ELN: variants seen among roughly 807,000 people sequenced by gnomAD.
ELN encodes the protein tropoelastin.
ELN carries 65 observed loss-of-function variants against 105.8 expected under a neutral mutation model. The observed-to-expected ratio is 0.61, with a 90% CI of 0.50 to 0.75. The LOEUF is 0.75. Among genes scored for constraint, ELN ranks in the 30% least tolerant of loss-of-function variants. ELN has a pLI of 0.00. For missense variants in ELN, 882 were observed against 969.4 expected, an observed-to-expected ratio of 0.91 and a Z score of 1.20; for synonymous variants, 368 against 389.2, an observed-to-expected ratio of 0.95 and a Z score of 0.64.
intron 15 of ELN, among the ~76,000 whole-genome samples, chr7:74,051,291 G>C (rs1456077708): frequency 6.6e-6 from 1 of 152,214 alleles, no homozygotes; most frequent in Non-Finnish European, 1.5e-5. Context: ...CAGCACCCGA[G>C]GCTCCTTGGC....
At position 74,057,457 on chromosome 7, in the gene ELN, G is replaced by C; in HGVS notation, c.1358-183G>C. ...GCAGTCCCAGGTGTGCCGGGCACGG[G>C]AGGAGTGCCAGGTGAGCTGTGTCTC... On this transcript the variant is annotated intron_variant, in intron 21 of 32. Transcript: ENST00000252034. The C allele has an allele frequency of 6.5e-7, 1 of 1,548,348 alleles. No individual in the cohort carries two copies. Among genetic ancestry groups the C allele is most frequent in the Non-Finnish European group, 8.7e-7 (1 of 1,147,452 alleles).
Position 74,035,311 on chromosome 7 carries a change from C to T in ELN, c.83-53C>T, listed in dbSNP as rs183629619. 2,833 of 1,603,872 alleles carry T rather than the reference C, an allele frequency of 1.8e-3. 2 individuals are homozygous for T. Among genetic ancestry groups the T allele is most frequent in the Non-Finnish European group, 1.9e-3 (2,182 of 1,171,652 alleles). On this transcript the variant is annotated intron_variant, in intron 1 of 32. Coordinates refer to ENST00000252034, the MANE Select transcript of ELN (RefSeq NM_000501.4). ...GGCAAAAATCGCAGTTACTTTTGCA[C>T]CAGCCTAATAGTTCTGGCTCCTGGA...
chr7:74,042,800 G>A (rs2131444640), intron 6 of ELN, 94 bp downstream of exon 6: 9 of 1,550,420 alleles, frequency 5.8e-6, no homozygotes, highest in South Asian at 4.5e-5. Context: ...AGGCTTGGGA[G>A]CCGGGTGGGT....
In ELN at chr7:74,063,719, G is replaced by A; in HGVS notation, c.1993+24G>A. 1 of 1,614,090 alleles carries A rather than the reference G, an allele frequency of 6.2e-7. No homozygotes were observed. Among genetic ancestry groups the A allele is most frequent in the South Asian group, 1.1e-5 (1 of 91,074 alleles). On this transcript the variant is annotated intron_variant, in intron 29 of 32. Coordinates refer to ENST00000252034, the MANE Select transcript of ELN (RefSeq NM_000501.4). The surrounding 1 kb of genome is among the most constrained non-coding windows in gnomAD (Gnocchi z 4.1). ...AGGTGAGAGTTGTTCTGAAATCAGT[G>A]AGTGTGTGTGGTGTGTGTATGCGAG...
rs952762819 is a variant in ELN at position 74,063,222 on chromosome 7, T to C, written c.1856T>C (p.Val619Ala). Residue 619 changes from valine to alanine, a missense_variant and splice_region_variant, in exon 27 of 33, where the codon GTG becomes GCG. Transcript: ENST00000252034. This position sits in a 1 kb window ranked among gnomAD's most constrained non-coding sequence, Gnocchi z 4.1. ...GGAGTAGGCATCCCAGGCGGTGTGG[T>C]GGGTGAGTTGAAACCCCAGGAGGGG... ...LGGVGIPGGV[V>A]GAGPAAAAAA... is the part of the protein sequence containing the mutation. The C allele has an allele frequency of 6.2e-7, 1 of 1,606,766 alleles. No individual in the cohort carries two copies. The highest frequency in any genetic ancestry group is 1.3e-5 in the African/African-American group (1 of 74,708).
At chr7:74,043,768 G>C in intron 8 of ELN, 111 bp from the exon 9 acceptor site, 1 of 1,406,658 alleles carries the variant, frequency 7.1e-7, no homozygotes. Flanking sequence ...CCCCTGTCGG[G>C]CACAGAGGCT....
intron 1 of ELN, among the ~76,000 whole-genome samples, chr7:74,029,264 G>A (rs1788125188): frequency 6.6e-6 from 1 of 152,084 alleles, no homozygotes; most frequent in African/African-American, 2.4e-5. Context: ...TGGAGAAGGT[G>A]TCTGTCTCCT....
chr7:74,035,252 C>A, intron 1 of ELN, 112 bp from the exon 2 acceptor site: 4 of 1,003,784 alleles, frequency 4.0e-6, no homozygotes, highest in Non-Finnish European at 6.2e-6. Flanking sequence ...ATTCTTGTTT[C>A]CATGTAATTG....
intron 5 of ELN, 70 bp downstream of exon 5, chr7:74,041,321 T>A (rs1791166210): frequency 1.9e-6 from 3 of 1,593,702 alleles, no homozygotes; most frequent in South Asian, 2.2e-5. Context: ...AGGGCTGGTA[T>A]GCAGCACGGT....
Position 74,045,244 on chromosome 7 carries a change from G to T in ELN, c.492G>T (p.Gly164=). Reference sequence around the variant, plus strand: ...CAGGAGCTCGGTTCCCCGGTGTGGGGGTGCTCCCTGGAGTTCCCACTGGAG... The same window carrying T: ...CAGGAGCTCGGTTCCCCGGTGTGGGTGTGCTCCCTGGAGTTCCCACTGGAG... ...VLPGARFPGV[G]VLPGVPTGAG... Residue 164 remains glycine, a synonymous_variant, in exon 10 of 33, where the codon GGG becomes GGT. Coordinates refer to ENST00000252034, the MANE Select transcript of ELN (RefSeq NM_000501.4). 1 of 1,614,128 alleles carries T rather than the reference G, an allele frequency of 6.2e-7. No homozygotes were observed. The highest frequency in any genetic ancestry group is 8.5e-7 in the Non-Finnish European group (1 of 1,180,040).
At chr7:74,049,417 TC>T (rs1793383104) in intron 15 of ELN, among the ~76,000 whole-genome samples, 1 of 149,934 alleles carries the variant, frequency 6.7e-6, no homozygotes, top group Non-Finnish European at 1.5e-5. Flanking sequence ...CATCCATCCA[TC>T]CCCTCATCCA....
At chr7:74,035,961 GA>G (rs1186382484) in intron 2 of ELN, among the ~76,000 whole-genome samples, 67 of 151,814 alleles carry the variant, frequency 4.4e-4, no homozygotes, top group Non-Finnish European at 4.4e-5. Flanking sequence ...GGGAAAAAAA[GA>G]AAAGAAAAAT....
chr7:74,045,161 G>A, intron 9 of ELN, 61 bp from the exon 10 acceptor site: 1 of 1,600,706 alleles, frequency 6.2e-7, no homozygotes, highest in Non-Finnish European at 8.5e-7. Flanking sequence ...AGGAGGGGAG[G>A]GGTTCCCAGC....
At position 74,056,315 on chromosome 7, in the gene ELN, GTTGGAGCTGGGGGCTTTCCCGGCT is replaced by G; in HGVS notation, c.1200_1223del (p.Ala401_Gly408del). On this transcript the variant is annotated inframe_deletion, in exon 20 of 33. Coordinates refer to ENST00000252034, the MANE Select transcript of ELN (RefSeq NM_000501.4). ...AGTTGGAGGCATTCCTACTTACGGG[GTTGGAGCTGGGGGCTTTCCCGGCT>G]TTGGTGTCGGAGTCGGAGGTATCCC... 6.2e-7 allele frequency: 1 copy of G among 1,613,972 alleles called. No individual in the cohort carries two copies. Among genetic ancestry groups the G allele is most frequent in the Non-Finnish European group, 8.5e-7 (1 of 1,179,910 alleles).
At chr7:74,065,399 G>C (rs2132638673) in intron 29 of ELN, among the ~76,000 whole-genome samples, 1 of 152,080 alleles carries the variant, frequency 6.6e-6, no homozygotes, top group Admixed American at 6.5e-5. Flanking sequence ...TGGATCACCT[G>C]AGGTCAGGAG....
intron 4 of ELN, 93 bp from the exon 5 acceptor site, chr7:74,041,123 G>A (rs1482426423): frequency 6.4e-7 from 1 of 1,555,548 alleles, no homozygotes; most frequent in South Asian, 1.1e-5. Context: ...GACCTGAGTG[G>A]CTGATCACAG....
At chr7:74,035,479 C>T in intron 2 of ELN, 65 bp downstream of exon 2, 2 of 1,566,082 alleles carry the variant, frequency 1.3e-6, no homozygotes, top group South Asian at 1.1e-5. Flanking sequence ...ATAATAGATG[C>T]ACATTTTGAC....
chr7:74,046,214 C>T lies in ELN; in HGVS notation c.568C>T (p.Pro190Ser), dbSNP rs1792472203. The change falls in exon 11 of 33, where the codon CCA becomes TCA. Residue 190 changes from proline (P) to serine (S), a missense_variant. Coordinates refer to ENST00000252034, the MANE Select transcript of ELN (RefSeq NM_000501.4). ...TGTAGGTGGAGCTTTTGCTGGAATC[C>T]CAGGTGAGGCAAGGCTGGTGGGAGA... ...PGVGGAFAGI[P>S]GVGPFGGPQP... 1 of 1,614,030 alleles carries T rather than the reference C, an allele frequency of 6.2e-7. No homozygotes were observed. The highest frequency in any genetic ancestry group is 1.3e-5 in the African/African-American group (1 of 74,916).
intron 4 of ELN, among the ~76,000 whole-genome samples, chr7:74,039,711 C>T (rs1244475624): frequency 6.6e-6 from 1 of 152,252 alleles, no homozygotes; most frequent in Non-Finnish European, 1.5e-5. Context: ...CAAGAAGGAA[C>T]TGGGAGCACC....
Sources: gnomAD v4.1 joint callset for allele counts (sites outside exome capture counted in the v4.1 genomes callset) on GRCh38, gnomAD v4.1.1 for gene constraint, Gnocchi (gnomAD v3.1) non-coding constraint, MANE v1.5 for transcripts, NCBI Gene and HGNC (gene_info 2026-07-23, HGNC 2026-07-21) for gene names.